SCNN1B: variants seen among roughly 807,000 people sequenced by gnomAD.
The protein encoded by SCNN1B is epithelial sodium channel subunit beta.
In SCNN1B, 46 loss-of-function variants were observed where a neutral mutation model predicts 65.3. That is an observed-to-expected ratio of 0.70 (90% CI 0.56 to 0.90). The LOEUF (loss-of-function observed/expected upper bound fraction) is 0.90. Ranked by LOEUF, SCNN1B falls within the 40% of genes least tolerant of loss-of-function variation. The pLI, the probability that SCNN1B is intolerant of heterozygous loss-of-function variation, is 0.00. For synonymous variants in SCNN1B, 349 were observed against 330.6 expected (o/e 1.06, Z -0.60); for missense variants, 751 against 830.5 (o/e 0.90, Z 1.18).
chr16:23,364,600 A>G (rs238551), intron 4 of SCNN1B, among the ~76,000 whole-genome samples: 68,373 of 152,064 alleles, frequency 0.45, 17,187 homozygotes, highest in African/African-American at 0.69. Flanking sequence ...TTAAGGATGA[A>G]CAGAGGCAGA....
intron 7 of SCNN1B, among the ~76,000 whole-genome samples, chr16:23,373,367 A>G (rs747491101): frequency 2.6e-5 from 4 of 152,102 alleles, no homozygotes; most frequent in Admixed American, 1.3e-4. Context: ...GGCTCAAGCA[A>G]TCCTCCCACT....
chr16:23,371,459 C>T lies in SCNN1B; in HGVS notation c.1041C>T (p.Leu347=), dbSNP rs201864704. The T allele has an allele frequency of 5.2e-5, 84 of 1,613,554 alleles. 1 individual carries two copies. The Admixed American group carries it at 1.3e-3, about 25-fold the overall frequency. ...GGACAGAGACGTCCATCGGGGTACT[C>T]GTGGTATGGCCGGAGCCCAAGGGCA... ...MSGTETSIGV[L]VDKLQRMGEP... is the part of the protein sequence containing the mutation. The change falls in exon 6 of 13, where the codon CTC becomes CTT. Residue 347 remains leucine, a synonymous_variant. Coordinates refer to ENST00000343070, the MANE Select transcript of SCNN1B (RefSeq NM_000336.3).
At chr16:23,299,482 G>C (rs1173618267), upstream of SCNN1B, among the ~76,000 whole-genome samples, 2 of 152,324 alleles carry the variant, frequency 1.3e-5, no homozygotes, top group Middle Eastern at 3.4e-3. Context: ...GGAGGTCCCA[G>C]AGATCCTTTC....
chr16:23,290,737 C>A (rs775463455), intron 2 of SCNN1B, among the ~76,000 whole-genome samples: 2 of 152,098 alleles, frequency 1.3e-5, no homozygotes, highest in Non-Finnish European at 2.9e-5. Flanking sequence ...AGCTGTAAAC[C>A]CTCACTAGCT....
intron 1 of SCNN1B, among the ~76,000 whole-genome samples, chr16:23,305,333 T>C (rs1008693327): frequency 1.5e-4 from 22 of 151,242 alleles, no homozygotes; most frequent in Non-Finnish European, 2.8e-4. Context: ...AGACTCCATA[T>C]TTCTGGATCC....
At position 23,377,395 on chromosome 16, in the gene SCNN1B, G is replaced by C; in HGVS notation, c.1404+9G>C. On this transcript the variant is annotated intron_variant, in intron 10 of 12. Transcript: ENST00000343070. ...CTTCTGAGGCCTCCGAGGTGAGACA[G>C]TTGGGGGCCAAGCTCCTGGCTCCCA... The C allele has an allele frequency of 6.2e-7, 1 of 1,613,982 alleles. No homozygotes were observed. The highest frequency in any genetic ancestry group is 1.3e-5 in the African/African-American group (1 of 75,068).
Position 23,366,033 on chromosome 16 carries a change from G to A in SCNN1B, c.777-1823G>A, listed in dbSNP as rs564812455. 5.3e-5 allele frequency among the ~76,000 whole-genome samples: 8 copies of A among 152,274 alleles called. No individual in the cohort carries two copies. In the South Asian group the frequency reaches 1.0e-3, roughly 20 times the overall value. On this transcript the variant is annotated intron_variant, in intron 4 of 12. Transcript: ENST00000343070. Reference sequence around the variant, plus strand: ...TATTTTGAGAATTAAATGAGATCACGAATACAGAAAGATTCAGCACAGGCC... The same window carrying A: ...TATTTTGAGAATTAAATGAGATCACAAATACAGAAAGATTCAGCACAGGCC...
intron 1 of SCNN1B, among the ~76,000 whole-genome samples, chr16:23,345,633 G>T (rs1262579984): frequency 6.6e-6 from 1 of 152,180 alleles, no homozygotes; most frequent in Non-Finnish European, 1.5e-5. Flanking sequence ...TAAACGAATA[G>T]AATTGAGTCC....
intron 5 of SCNN1B, among the ~76,000 whole-genome samples, chr16:23,369,913 G>A (rs1010164979): frequency 1.3e-5 from 2 of 152,136 alleles, no homozygotes; most frequent in African/African-American, 4.8e-5. Flanking sequence ...GCCCTTGTGA[G>A]CATCCGAGGA....
chr16:23,321,966 A>G (rs1046019065), intron 1 of SCNN1B, among the ~76,000 whole-genome samples: 1 of 152,150 alleles, frequency 6.6e-6, no homozygotes, highest in African/African-American at 2.4e-5. Context: ...CAAACGTTGC[A>G]GTGAGCTAAG....
chr16:23,305,569 TATATATATTATA>T (rs1567290418), intron 1 of SCNN1B, among the ~76,000 whole-genome samples: 1,845 of 44,522 alleles, frequency 0.041, 110 homozygotes, highest in Middle Eastern at 0.1. Flanking sequence ...TATATATATA[TATATATATTATA>T]TATATATATA....
chr16:23,317,644 A>G (rs1961500439), intron 1 of SCNN1B, among the ~76,000 whole-genome samples: 2 of 152,124 alleles, frequency 1.3e-5, no homozygotes, highest in African/African-American at 4.8e-5. Context: ...TCCTGTCCCA[A>G]AGGGTTCCCC....
intron 1 of SCNN1B, among the ~76,000 whole-genome samples, chr16:23,319,102 G>A (rs976604333): frequency 6.6e-6 from 1 of 151,268 alleles, no homozygotes; most frequent in Non-Finnish European, 1.5e-5. Flanking sequence ...GTGCAGTGGC[G>A]CGATCTCAGC....
chr16:23,362,932 T>C (rs1191119376), intron 4 of SCNN1B, among the ~76,000 whole-genome samples: 2 of 152,184 alleles, frequency 1.3e-5, no homozygotes, highest in African/African-American at 2.4e-5. Context: ...CCAGAGCTAT[T>C]TCTTCCCTCT....
At chr16:23,331,421 T>A (rs1961810337) in intron 1 of SCNN1B, among the ~76,000 whole-genome samples, 1 of 151,098 alleles carries the variant, frequency 6.6e-6, no homozygotes, top group Non-Finnish European at 1.5e-5. Flanking sequence ...GCCTCCTGGG[T>A]TCAAGTGATT....
At chr16:23,349,909 C>T (rs936126169) in intron 2 of SCNN1B, among the ~76,000 whole-genome samples, 2 of 151,868 alleles carry the variant, frequency 1.3e-5, no homozygotes, top group African/African-American at 4.8e-5. Flanking sequence ...ACCAGTCTGG[C>T]CAACATGGTG....
At chr16:23,305,505 C>T (rs1344426653) in intron 1 of SCNN1B, among the ~76,000 whole-genome samples, 1 of 80,136 alleles carries the variant, frequency 1.2e-5, no homozygotes, top group African/African-American at 4.1e-5. Context: ...AGCAACATGG[C>T]AAAAACCCAT....
intron 1 of SCNN1B, among the ~76,000 whole-genome samples, chr16:23,338,449 C>T (rs902912959): frequency 2.6e-5 from 4 of 152,246 alleles, no homozygotes; most frequent in Non-Finnish European, 5.9e-5. Context: ...GTCAAATCCA[C>T]TTTCAGGTTA....
At chr16:23,303,718 C>G (rs1961133038) in intron 1 of SCNN1B, among the ~76,000 whole-genome samples, 1 of 151,090 alleles carries the variant, frequency 6.6e-6, no homozygotes, top group African/African-American at 2.4e-5. Context: ...GAGTTTGAGA[C>G]CAGCCCAGCC....
Sources: gnomAD v4.1 joint callset for allele counts (sites outside exome capture counted in the v4.1 genomes callset) on GRCh38, gnomAD v4.1.1 for gene constraint, MANE v1.5 for transcripts, NCBI Gene and HGNC (gene_info 2026-07-23, HGNC 2026-07-21) for gene names.